RBFOX1: variants seen among roughly 807,000 people sequenced by gnomAD.
RBFOX1 encodes RNA binding protein fox-1 homolog 1.
RBFOX1 carries 8 observed loss-of-function variants against 57.7 expected under a neutral mutation model. The observed-to-expected ratio is 0.14, with a 90% CI of 0.08 to 0.25. The LOEUF is 0.25. Ranked by LOEUF, RBFOX1 falls within the 10% of genes least tolerant of loss-of-function variation. RBFOX1 has a pLI of 1.00. For synonymous variants in RBFOX1, 326 were observed against 222.4 expected (o/e 1.47, Z -4.15); for missense variants, 611 against 548.5 (o/e 1.11, Z -1.14).
chr16:5,897,492 T>C (rs1343717821), intron 4 of RBFOX1, among the ~76,000 whole-genome samples: 1 of 152,192 alleles, frequency 6.6e-6, no homozygotes, highest in Non-Finnish European at 1.5e-5. Flanking sequence ...ATCAATGTTA[T>C]TCTCGAAAAT....
intron 3 of RBFOX1, among the ~76,000 whole-genome samples, chr16:6,953,489 G>C (rs529047201): frequency 4.6e-5 from 7 of 152,154 alleles, no homozygotes; most frequent in African/African-American, 1.7e-4. Flanking sequence ...GGGTTCAAGC[G>C]ATTCTTCTGC....
intron 5 of RBFOX1, among the ~76,000 whole-genome samples, chr16:7,570,779 A>ATAC (rs1424852252): frequency 6.6e-6 from 1 of 152,244 alleles, no homozygotes; most frequent in East Asian, 1.9e-4. Flanking sequence ...ACAGACACAC[A>ATAC]TACACATGTA....
chr16:5,435,916 G>A (rs1402308727), intron 1 of RBFOX1, among the ~76,000 whole-genome samples: 1 of 152,196 alleles, frequency 6.6e-6, no homozygotes, highest in East Asian at 1.9e-4. Context: ...CAACCCGATT[G>A]CTTAAAATCT....
At chr16:6,107,905 T>G (rs981760922) in intron 1 of RBFOX1, among the ~76,000 whole-genome samples, 3 of 152,202 alleles carry the variant, frequency 2.0e-5, no homozygotes, top group African/African-American at 4.8e-5. Context: ...AAATTGAATT[T>G]CAGAGTTTTA....
intron 1 of RBFOX1, among the ~76,000 whole-genome samples, chr16:5,292,366 A>C (rs1363374753): frequency 6.6e-6 from 1 of 151,230 alleles, no homozygotes; most frequent in Non-Finnish European, 1.5e-5. Context: ...CCCCCAAATC[A>C]ATTGGCAGAA....
chr16:7,409,775 T>C (rs569754657), intron 4 of RBFOX1, among the ~76,000 whole-genome samples: 4 of 140,542 alleles, frequency 2.8e-5, no homozygotes, highest in African/African-American at 1.0e-4. Flanking sequence ...ATTCATTCCT[T>C]GCTCTGGGCA....
chr16:7,094,733 A>G (rs2061402283), intron 4 of RBFOX1, among the ~76,000 whole-genome samples: 2 of 98,150 alleles, frequency 2.0e-5, no homozygotes, highest in African/African-American at 6.7e-5. Context: ...AAATAAGGGC[A>G]GACTGTACAG....
chr16:6,787,321 A>G (rs1210040464), intron 3 of RBFOX1, among the ~76,000 whole-genome samples: 1 of 152,210 alleles, frequency 6.6e-6, no homozygotes, highest in Non-Finnish European at 1.5e-5. Context: ...ATGTTCGTGT[A>G]TTCATCAATA....
In RBFOX1 at chr16:6,020,770, C is replaced by A. The variant is rs953960982; in HGVS notation, c.-127+778C>A. Among the ~76,000 whole-genome samples, 3 of 152,032 alleles carry A rather than the reference C, an allele frequency of 2.0e-5. No individual in the cohort carries two copies. The East Asian group carries it at 5.8e-4, about 29-fold the overall frequency. ...AGCGAGGGCGGGGCTAGTGGGGCGC[C>A]GCTCCCATCTCCCCACCGCCCAGGA... On this transcript the variant is annotated intron_variant, in intron 1 of 15. Transcript: ENST00000550418.
intron 12 of RBFOX1, among the ~76,000 whole-genome samples, chr16:7,663,885 G>C (rs780115672): frequency 3.0e-4 from 46 of 152,266 alleles, no homozygotes; most frequent in African/African-American, 9.1e-4. Context: ...TCACGACCAC[G>C]TAGCTAAGAG....
chr16:6,986,323 C>A (rs138610441), intron 3 of RBFOX1, among the ~76,000 whole-genome samples: 1 of 152,170 alleles, frequency 6.6e-6, no homozygotes, highest in East Asian at 1.9e-4. Context: ...CTCAGCCTCC[C>A]GAGTAGCTGG....
intron 1 of RBFOX1, among the ~76,000 whole-genome samples, chr16:6,142,951 T>C (rs1199577788): frequency 1.3e-5 from 2 of 152,164 alleles, no homozygotes; most frequent in Non-Finnish European, 2.9e-5. Context: ...CCTGAAGCAG[T>C]TTTTAGTTTT....
Position 5,276,604 on chromosome 16 carries a change from G to A in RBFOX1, c.219+36499G>A, listed in dbSNP as rs547246352. On this transcript the variant is annotated intron_variant, in intron 1 of 2. Coordinates refer to the RBFOX1 transcript ENST00000585867. Reference sequence around the variant, plus strand: ...TTGAGACCAGCCTGACTAACATGGTGAAACCCCGTCTCTACTGAAAATACA... The same window carrying A: ...TTGAGACCAGCCTGACTAACATGGTAAAACCCCGTCTCTACTGAAAATACA... 2.6e-5 allele frequency among the ~76,000 whole-genome samples: 4 copies of A among 152,168 alleles called. No individual in the cohort carries two copies. In the East Asian group the frequency reaches 7.7e-4, roughly 29 times the overall value.
intron 1 of RBFOX1, among the ~76,000 whole-genome samples, chr16:6,253,675 A>ATGTGTGTGTGTGTG (rs377653141): frequency 4.1e-5 from 6 of 144,906 alleles, no homozygotes; most frequent in Non-Finnish European, 3.0e-5. Flanking sequence ...GTGTGTGTGC[A>ATGTGTGTGTGTGTG]TGTGTGTGTG....
chr16:6,344,642 C>G (rs1264919734), intron 2 of RBFOX1, among the ~76,000 whole-genome samples: 2 of 149,694 alleles, frequency 1.3e-5, no homozygotes, highest in Non-Finnish European at 3.0e-5. Flanking sequence ...CGTGATTTGC[C>G]TGCCTCGGCC....
chr16:6,780,357 A>ATATATAT (rs2080669495), intron 3 of RBFOX1, among the ~76,000 whole-genome samples: 1 of 100,150 alleles, frequency 1.0e-5, no homozygotes, highest in Non-Finnish European at 1.7e-5. Flanking sequence ...ATACATATTT[A>ATATATAT]TATACATATT....
At chr16:5,333,798 G>T (rs529936558) in intron 1 of RBFOX1, among the ~76,000 whole-genome samples, 1 of 152,172 alleles carries the variant, frequency 6.6e-6, no homozygotes, top group Non-Finnish European at 1.5e-5. Flanking sequence ...TTATTTTACT[G>T]AATCTGGTAG....
chr16:7,035,229 T>TG (rs2044045661), intron 3 of RBFOX1, among the ~76,000 whole-genome samples: 1 of 152,038 alleles, frequency 6.6e-6, no homozygotes, highest in Admixed American at 6.6e-5. Flanking sequence ...GTTAAGATCC[T>TG]GCAGGATACT....
intron 1 of RBFOX1, among the ~76,000 whole-genome samples, chr16:5,266,444 G>C (rs1344471246): frequency 6.6e-6 from 1 of 152,006 alleles, no homozygotes; most frequent in East Asian, 1.9e-4. Flanking sequence ...GGAGGTTGTT[G>C]GTAGTCAGGG....
Sources: allele counts gnomAD v4.1 joint callset (sites outside exome capture counted in the v4.1 genomes callset), GRCh38; gene constraint gnomAD v4.1.1; transcripts MANE v1.5; gene names NCBI Gene and HGNC (gene_info 2026-07-23, HGNC 2026-07-21).